The following ADGRV1 variants were observed in gnomAD, a reference collection of about 807,000 sequenced individuals.
ADGRV1 encodes adhesion G protein-coupled receptor V1, also known as G-protein coupled receptor 98.
ADGRV1 carries 359 observed loss-of-function variants against 596.2 expected under a neutral mutation model. The ratio of observed to expected loss-of-function variants is 0.60; its 90% CI spans 0.55 to 0.66. ADGRV1 has a LOEUF of 0.66. Among genes scored for constraint, ADGRV1 ranks in the 30% least tolerant of loss-of-function variants. The pLI is 0.00. For synonymous variants in ADGRV1, 2,681 were observed against 2,679.2 expected (o/e 1.00, Z -0.02); for missense variants, 7,274 against 7,575.6 (o/e 0.96, Z 1.48).
intron 88 of ADGRV1, among the ~76,000 whole-genome samples, chr5:91,152,861 A>G (rs534738198): frequency 6.6e-6 from 1 of 151,692 alleles, no homozygotes; most frequent in Admixed American, 6.5e-5. Flanking sequence ...ATTTTCGTAG[A>G]GATGGGGGTC....
intron 87 of ADGRV1, among the ~76,000 whole-genome samples, chr5:91,111,901 A>G (rs1282503121): frequency 3.3e-5 from 5 of 152,164 alleles, no homozygotes; most frequent in East Asian, 1.9e-4. Flanking sequence ...ACATCCCCAA[A>G]GGTTTCTATA....
chr5:90,775,531 C>G (rs929597997), intron 60 of ADGRV1, among the ~76,000 whole-genome samples: 1 of 152,164 alleles, frequency 6.6e-6, no homozygotes, highest in African/African-American at 2.4e-5. Flanking sequence ...GGCTGCAGTG[C>G]AGTGGTGTGA....
chr5:91,088,189 A>G (rs1354012813), intron 86 of ADGRV1, among the ~76,000 whole-genome samples: 1 of 152,204 alleles, frequency 6.6e-6, no homozygotes, highest in Non-Finnish European at 1.5e-5. Flanking sequence ...ACTGTAAAAC[A>G]GAATACTTAT....
At chr5:91,116,513 T>G (rs1304775401) in intron 87 of ADGRV1, among the ~76,000 whole-genome samples, 2 of 152,220 alleles carry the variant, frequency 1.3e-5, no homozygotes, top group Non-Finnish European at 2.9e-5. Context: ...GTAAGATTAC[T>G]TCACATAGTG....
At chr5:90,897,917 G>A (rs1485989455) in intron 83 of ADGRV1, among the ~76,000 whole-genome samples, 1 of 152,168 alleles carries the variant, frequency 6.6e-6, no homozygotes, top group Non-Finnish European at 1.5e-5. Flanking sequence ...GGTTTAGAGG[G>A]TGTTGTGCCC....
chr5:90,656,847 C>T (rs1769478995), intron 20 of ADGRV1, among the ~76,000 whole-genome samples: 1 of 151,980 alleles, frequency 6.6e-6, no homozygotes, highest in Non-Finnish European at 1.5e-5. Context: ...GAAAGGAGAA[C>T]TAGTGAAAGC....
chr5:90,646,165 C>G, intron 16 of ADGRV1, 74 bp downstream of exon 16: 1 of 1,016,236 alleles, frequency 9.8e-7, no homozygotes, highest in Non-Finnish European at 1.3e-6. Context: ...TATGCACGTG[C>G]ATATATACAT....
intron 1 of ADGRV1, among the ~76,000 whole-genome samples, chr5:90,603,176 G>GT (rs1228415678): frequency 6.6e-6 from 1 of 152,176 alleles, no homozygotes; most frequent in Non-Finnish European, 1.5e-5. Flanking sequence ...GGCGGATACT[G>GT]TGGTTCAAAT....
At chr5:90,773,746 A>G (rs2460167) in intron 59 of ADGRV1, among the ~76,000 whole-genome samples, 88,851 of 151,990 alleles carry the variant, frequency 0.58, 26,181 homozygotes, top group Admixed American at 0.67. Context: ...TATACCATGA[A>G]TTGGATATCC....
chr5:90,592,948 A>G (rs1472437098), intron 1 of ADGRV1, among the ~76,000 whole-genome samples: 1 of 152,204 alleles, frequency 6.6e-6, no homozygotes, highest in Non-Finnish European at 1.5e-5. Context: ...TCAGGAAACA[A>G]CAGGTACTGG....
chr5:90,944,545 A>T (rs1244989167), intron 83 of ADGRV1, among the ~76,000 whole-genome samples: 1 of 152,218 alleles, frequency 6.6e-6, no homozygotes, highest in Non-Finnish European at 1.5e-5. Flanking sequence ...TAGTAAATAC[A>T]CTAGAGATTA....
intron 9 of ADGRV1, among the ~76,000 whole-genome samples, chr5:90,631,282 G>A (rs1307331337): frequency 6.6e-6 from 1 of 152,142 alleles, no homozygotes; most frequent in Non-Finnish European, 1.5e-5. Flanking sequence ...TTGTAAGACT[G>A]TGTCAGCACT....
chr5:90,779,075 A>G lies in ADGRV1; in HGVS notation c.13060A>G (p.Thr4354Ala). The part of the protein sequence containing the change: ...EGPEEFSLTI[T>A]KVELQGRGYD... ...CCCAGAGGAATTTTCTCTAACAATT[A>G]CAAAGGTGGAACTCCAGGGAAGGTA... is the stretch of plus-strand genomic sequence containing the variant. Residue 4354 changes from threonine to alanine, a missense_variant, in exon 64 of 90, where the codon ACA becomes GCA. By Grantham distance (58) the Thr-to-Ala change is moderately conservative. Around this residue, in one of 5 missense-constraint regions of ADGRV1, gnomAD observed 3,643 missense variants for 3,809.2 expected, o/e 0.96. Transcript: ENST00000405460. The G allele has an allele frequency of 6.2e-7, 1 of 1,610,034 alleles. No homozygotes were observed. The highest frequency in any genetic ancestry group is 8.5e-7 in the Non-Finnish European group (1 of 1,176,596).
rs760249620 is a variant in ADGRV1 at position 90,810,578 on chromosome 5, T to C, written c.15318T>C (p.Asp5106=). ...AAATTAGGGGATTACAAAAGTTTGATGTTAATTGGAGCCCACGCCTGAATC... is the reference window on the plus strand; with the variant it reads ...AAATTAGGGGATTACAAAAGTTTGACGTTAATTGGAGCCCACGCCTGAATC... The part of the protein sequence containing the change: ...SVEIRGLQKF[D]VNWSPRLNLD... The change falls in exon 74 of 90, where the codon GAT becomes GAC. Residue 5106 remains aspartate, a synonymous_variant. Transcript: ENST00000405460. 1.5e-5 allele frequency: 24 copies of C among 1,614,010 alleles called. 1 individual carries two copies. The South Asian group carries it at 2.2e-4, about 15-fold the overall frequency.
chr5:90,831,298 C>CACACAA (rs1244214951), intron 77 of ADGRV1, among the ~76,000 whole-genome samples: 2 of 151,630 alleles, frequency 1.3e-5, no homozygotes, highest in African/African-American at 4.8e-5. Flanking sequence ...CACACACACA[C>CACACAA]AAAAACATAA....
intron 53 of ADGRV1, among the ~76,000 whole-genome samples, chr5:90,751,832 A>G (rs1014525959): frequency 2.6e-5 from 4 of 152,172 alleles, no homozygotes; most frequent in African/African-American, 9.7e-5. Context: ...AGCAAATTCT[A>G]TTGCATTTAA....
chr5:90,631,981 G>A (rs1765560177), intron 9 of ADGRV1, among the ~76,000 whole-genome samples: 1 of 152,148 alleles, frequency 6.6e-6, no homozygotes, highest in East Asian at 1.9e-4. Flanking sequence ...ACTTAGAGTA[G>A]CATTTCTGAA....
At chr5:91,112,685 T>G (rs1792477187) in intron 87 of ADGRV1, among the ~76,000 whole-genome samples, 3 of 152,118 alleles carry the variant, frequency 2.0e-5, no homozygotes, top group Admixed American at 2.0e-4. Context: ...GGAGAATACA[T>G]TTTTTAAAAA....
intron 89 of ADGRV1, among the ~76,000 whole-genome samples, chr5:91,159,633 A>C (rs1796777523): frequency 6.6e-6 from 1 of 152,230 alleles, no homozygotes; most frequent in Non-Finnish European, 1.5e-5. Context: ...TTCTTGAAGT[A>C]CATCGGCACT....
Sources: gnomAD v4.1 joint callset for allele counts (sites outside exome capture counted in the v4.1 genomes callset) on GRCh38, gnomAD v4.1.1 for gene constraint, gnomAD v4.1.1 regional missense constraint, MANE v1.5 for transcripts, NCBI Gene and HGNC (gene_info 2026-07-23, HGNC 2026-07-21) for gene names.